Variants in PHACTR2 observed in about 807,000 individuals in gnomAD.
PHACTR2 encodes the protein chromosome 6 open reading frame 56.
A neutral mutation model predicts 76.0 loss-of-function variants in PHACTR2; 30 were observed. The observed-to-expected ratio is 0.39, with a 90% confidence interval of 0.30 to 0.54. PHACTR2 has a LOEUF of 0.54. PHACTR2 is among the 20% of genes least tolerant of loss of function. The probability of loss-of-function intolerance (pLI) is 0.61; values close to 1 mark genes in which losing one functional copy is unlikely to be tolerated. For missense variants in PHACTR2, 696 were observed against 781.1 expected, an observed-to-expected ratio of 0.89 and a Z score of 1.30; for synonymous variants, 292 against 292.5, an observed-to-expected ratio of 1.00 and a Z score of 0.02.
chr6:143,633,758 G>A lies in PHACTR2; in HGVS notation c.13+25436G>A, dbSNP rs373526959. 2.6e-5 allele frequency among the ~76,000 whole-genome samples: 4 copies of A among 152,072 alleles called. No homozygotes were observed. The highest frequency in any genetic ancestry group is 6.5e-5 in the Admixed American group (1 of 15,274). ...AGATTTTCTCCTACGTTATCTTCTG[G>A]GAATTCTGTAGTTTTGTACTTTATA... On this transcript the variant is annotated intron_variant, in intron 1 of 11. Coordinates refer to the PHACTR2 transcript ENST00000305766. The surrounding 1 kb of genome is among the most constrained non-coding windows in gnomAD (Gnocchi z 4.1).
upstream of PHACTR2, chr6:143,677,961 A>C (rs1360239311): frequency 3.0e-6 from 4 of 1,341,990 alleles, no homozygotes; most frequent in East Asian, 1.5e-4. Context: ...GAGGAATGAC[A>C]GGCATCCGCT....
chr6:143,730,455 A>G lies in PHACTR2; in HGVS notation c.214+18272A>G, dbSNP rs1294817903. 6.6e-6 allele frequency among the ~76,000 whole-genome samples: 1 copy of G among 152,100 alleles called. No homozygotes were observed. The highest frequency in any genetic ancestry group is 1.5e-5 in the Non-Finnish European group (1 of 68,030). Reference sequence around the variant, plus strand: ...AAATTATATATATTTTTAAATGTCAATTTCCAGTTGTTCCTTGTATCATGC... The same window carrying G: ...AAATTATATATATTTTTAAATGTCAGTTTCCAGTTGTTCCTTGTATCATGC... On this transcript the variant is annotated intron_variant, in intron 2 of 12. Transcript: ENST00000440869. The surrounding 1 kb of genome is among the most constrained non-coding windows in gnomAD (Gnocchi z 4.8).
rs937507414 is a variant in PHACTR2 at position 143,782,370 on chromosome 6, C to T, written c.1646-849C>T. On this transcript the variant is annotated intron_variant, in intron 9 of 12. Transcript: ENST00000440869. The surrounding 1 kb of genome is among the most constrained non-coding windows in gnomAD (Gnocchi z 4.6). ...CTAAAACATAATCTTTCATAAGCAT[C>T]GGTATCCAAGAAGCAAAATGTATGC... 1.1e-4 allele frequency among the ~76,000 whole-genome samples: 17 copies of T among 152,158 alleles called. No homozygotes were observed. Among genetic ancestry groups the T allele is most frequent in the African/African-American group, 3.6e-4 (15 of 41,428 alleles).
Position 143,777,388 on chromosome 6 carries a change from G to A in PHACTR2, c.1645+5G>A. The A allele has an allele frequency of 2.0e-6, 3 of 1,537,106 alleles. No homozygotes were observed. The highest frequency in any genetic ancestry group is 1.1e-5 in the South Asian group (1 of 88,644). ...AGCAAAGAAACATCCTAAAACGTGA[G>A]TATTCTATACTATAGAATGATTCCT... On this transcript the variant is annotated splice_donor_5th_base_variant and intron_variant, in intron 9 of 12. Coordinates refer to ENST00000440869, the MANE Select transcript of PHACTR2 (RefSeq NM_001100164.2). This position sits in a 1 kb window ranked among gnomAD's most constrained non-coding sequence, Gnocchi z 4.6.
rs1428309329 is a variant in PHACTR2 at position 143,783,004 on chromosome 6, C to CGTGTGTGT, written c.1646-215_1646-214insGTGTGTGT. Among the ~76,000 whole-genome samples the CGTGTGTGT allele has an allele frequency of 3.8e-4, 16 of 41,756 alleles. No individual in the cohort carries two copies. The highest frequency in any genetic ancestry group is 1.2e-3 in the African/African-American group (14 of 11,626). 27.4% of individuals were successfully genotyped at this position (41,756 alleles called of 152,430 possible). A position where few individuals can be genotyped will look rare whatever the true frequency, so the allele number is the denominator to read the frequency against. Reference sequence around the variant, plus strand: ...AAGCAAACCAGTCCTACAAAAAAAGCATGTGTGTGTGTGTGTGTGTGTGTG... The same window carrying CGTGTGTGT: ...AAGCAAACCAGTCCTACAAAAAAAGCGTGTGTGTATGTGTGTGTGTGTGTGTGTGTGTG... On this transcript the variant is annotated intron_variant, in intron 9 of 12. Coordinates refer to ENST00000440869, the MANE Select transcript of PHACTR2 (RefSeq NM_001100164.2). This position sits in a 1 kb window ranked among gnomAD's most constrained non-coding sequence, Gnocchi z 5.2.
chr6:143,593,101 G>GAA (rs1775711527), intron 1 of PHACTR2, among the ~76,000 whole-genome samples: 1 of 148,498 alleles, frequency 6.7e-6, no homozygotes, highest in Admixed American at 6.7e-5. Flanking sequence ...TATTTGAGAG[G>GAA]AAAAATTCCA....
chr6:143,785,733 C>T (rs1775541951), intron 10 of PHACTR2, among the ~76,000 whole-genome samples: 2 of 152,220 alleles, frequency 1.3e-5, no homozygotes, highest in Admixed American at 1.3e-4. Flanking sequence ...TCTTTTCACC[C>T]ACAAGCTCAA....
chr6:143,820,654 G>A lies in PHACTR2; in HGVS notation c.1923-3020G>A, dbSNP rs1399359035. Among the ~76,000 whole-genome samples, 1 of 152,222 alleles carries A rather than the reference G, an allele frequency of 6.6e-6. No homozygotes were observed. Among genetic ancestry groups the A allele is most frequent in the Admixed American group, 6.5e-5 (1 of 15,284 alleles). On this transcript the variant is annotated intron_variant, in intron 12 of 12. Coordinates refer to ENST00000440869, the MANE Select transcript of PHACTR2 (RefSeq NM_001100164.2). This position sits in a 1 kb window ranked among gnomAD's most constrained non-coding sequence, Gnocchi z 4.2. ...CACAGGCTGGCGTTGAATGTCTGTG[G>A]CTTTTCCAGGCACAGGGTGCAAGCT...
At chr6:143,769,782 A>C (rs1775046441) in intron 6 of PHACTR2, among the ~76,000 whole-genome samples, 1 of 152,212 alleles carries the variant, frequency 6.6e-6, no homozygotes, top group Non-Finnish European at 1.5e-5. Context: ...ATTAATTGGC[A>C]TGTATTTTAA....
rs1024347498 is a variant in PHACTR2, at chr6:143,616,619, G to A, written c.13+8297G>A. Among the ~76,000 whole-genome samples, 9 of 152,164 alleles carry A rather than the reference G, an allele frequency of 5.9e-5. No individual in the cohort carries two copies. Among genetic ancestry groups the A allele is most frequent in the Non-Finnish European group, 1.2e-4 (8 of 68,042 alleles). On this transcript the variant is annotated intron_variant, in intron 1 of 11. Transcript: ENST00000305766. This position sits in a 1 kb window ranked among gnomAD's most constrained non-coding sequence, Gnocchi z 4.9. ...TGTCCTAGTTAGTGTGGATATGAGA[G>A]AATGAAACGGAGCTTCTGTCAGCAT...
rs751930137 is a variant in PHACTR2 at position 143,748,775 on chromosome 6, G to A, written c.215-210G>A. 7.2e-5 allele frequency among the ~76,000 whole-genome samples: 11 copies of A among 152,198 alleles called. No homozygotes were observed. The South Asian group carries it at 8.3e-4, about 11-fold the overall frequency. On this transcript the variant is annotated intron_variant, in intron 2 of 12. Transcript: ENST00000440869. ...GGCCATTTGAAAGACCAGGGATGGC[G>A]GTTGGACTTCAGATCATGGGCTGCA...
intron 1 of PHACTR2, among the ~76,000 whole-genome samples, chr6:143,665,276 G>A (rs1229378712): frequency 6.6e-6 from 1 of 152,144 alleles, no homozygotes; most frequent in Non-Finnish European, 1.5e-5. Flanking sequence ...GATTTATTAT[G>A]ATTCCTTAAA....
At chr6:143,575,620 C>T (rs1775497218) in intron 1 of PHACTR2, among the ~76,000 whole-genome samples, 1 of 152,180 alleles carries the variant, frequency 6.6e-6, no homozygotes, top group Non-Finnish European at 1.5e-5. Context: ...TAATAGCTTC[C>T]ATTGAAAAGA....
intron 1 of PHACTR2, among the ~76,000 whole-genome samples, chr6:143,568,298 T>C (rs1775391096): frequency 6.6e-6 from 1 of 152,228 alleles, no homozygotes; most frequent in African/African-American, 2.4e-5. Flanking sequence ...TTCACAGGAC[T>C]GTTACAGAGA....
intron 1 of PHACTR2, among the ~76,000 whole-genome samples, chr6:143,638,231 G>C (rs531042334): frequency 1.3e-5 from 2 of 152,070 alleles, no homozygotes; most frequent in Non-Finnish European, 2.9e-5. Context: ...TTCAGTGATC[G>C]CTATGGCTTA....
chr6:143,605,895 T>C (rs1442991851), upstream of PHACTR2, among the ~76,000 whole-genome samples: 1 of 152,204 alleles, frequency 6.6e-6, no homozygotes, highest in Non-Finnish European at 1.5e-5. The surrounding 1 kb of genome is among the most constrained non-coding windows in gnomAD (Gnocchi z 5.0). Flanking sequence ...TGTGATATAA[T>C]GACATATGTG....
chr6:143,570,923 C>T lies in PHACTR2; in HGVS notation c.217+33716C>T, dbSNP rs950348937. ...AAGGGATGGCTCTGCAAGTGGTGAT[C>T]GATGTTTATCAAATGCCCCTGAGAC... On this transcript the variant is annotated intron_variant, in intron 1 of 11. Coordinates refer to the PHACTR2 transcript ENST00000367584. This position sits in a 1 kb window ranked among gnomAD's most constrained non-coding sequence, Gnocchi z 4.6. Among the ~76,000 whole-genome samples, 1 of 152,052 alleles carries T rather than the reference C, an allele frequency of 6.6e-6. No individual in the cohort carries two copies. Among genetic ancestry groups the T allele is most frequent in the African/African-American group, 2.4e-5 (1 of 41,380 alleles).
At chr6:143,759,311 T>A (rs11155323) in intron 4 of PHACTR2, among the ~76,000 whole-genome samples, 2 of 152,072 alleles carry the variant, frequency 1.3e-5, no homozygotes, top group Admixed American at 6.6e-5. Context: ...AAAATAGACC[T>A]AAGTATTTCT....
rs916522715 is a variant in PHACTR2, at chr6:143,818,041, T to C, written c.1923-5633T>C. Among the ~76,000 whole-genome samples the C allele has an allele frequency of 2.0e-5, 3 of 152,238 alleles. No individual in the cohort carries two copies. Among genetic ancestry groups the C allele is most frequent in the African/African-American group, 7.2e-5 (3 of 41,460 alleles). ...TGATAAATGTGTAGGATGATTGATT[T>C]GCTAGTTTGATCATTACACATTTTA... On this transcript the variant is annotated intron_variant, in intron 12 of 12. Transcript: ENST00000440869. The surrounding 1 kb of genome is among the most constrained non-coding windows in gnomAD (Gnocchi z 4.9).
Sources: allele counts gnomAD v4.1 joint callset (sites outside exome capture counted in the v4.1 genomes callset), GRCh38; gene constraint gnomAD v4.1.1; non-coding constraint Gnocchi (gnomAD v3.1); transcripts MANE v1.5; gene names NCBI Gene and HGNC (gene_info 2026-07-23, HGNC 2026-07-21).